C1QTNF3: variants seen among roughly 807,000 people sequenced by gnomAD.
C1QTNF3 encodes complement C1q tumor necrosis factor-related protein 3.
In C1QTNF3, 26 loss-of-function variants were observed where a neutral mutation model predicts 32.6. The ratio of observed to expected loss-of-function variants is 0.80; its 90% CI spans 0.58 to 1.11. C1QTNF3 has a LOEUF of 1.11. Ranked by LOEUF, C1QTNF3 falls within the 50% of genes least tolerant of loss-of-function variation. The pLI, the probability that C1QTNF3 is intolerant of heterozygous loss-of-function variation, is 0.00. For missense variants in C1QTNF3, 362 were observed against 398.2 expected, an observed-to-expected ratio of 0.91 and a Z score of 0.77; for synonymous variants, 155 against 146.0, an observed-to-expected ratio of 1.06 and a Z score of -0.44.
chr5:34,171,659 T>G, the C1QTNF3 span, among the ~76,000 whole-genome samples: 1 of 152,162 alleles, frequency 6.6e-6, no homozygotes. Flanking sequence ...TAAGGGACCA[T>G]GGGAAGGCCT....
At chr5:34,077,684 T>C in the C1QTNF3 span, among the ~76,000 whole-genome samples, 8 of 151,718 alleles carry the variant, frequency 5.3e-5, no homozygotes, top group South Asian at 1.7e-3. Context: ...CTCTGTAGTA[T>C]CTCTTCCATT....
intron 5 of C1QTNF3, 64 bp from the exon 6 acceptor site, chr5:34,020,806 G>T: frequency 6.6e-7 from 1 of 1,518,984 alleles, no homozygotes; most frequent in Non-Finnish European, 9.0e-7. Context: ...CTTCACCAAA[G>T]TCTGTGCTCC....
chr5:34,168,662 G>A, the C1QTNF3 span: 1 of 152,034 alleles, frequency 6.6e-6, no homozygotes, highest in African/African-American at 2.4e-5. Context: ...TGGGGATTTT[G>A]GACTATAGGT....
the C1QTNF3 span, among the ~76,000 whole-genome samples, chr5:34,174,917 T>A: frequency 1.3e-5 from 2 of 151,470 alleles, no homozygotes; most frequent in Non-Finnish European, 2.9e-5. Context: ...CCGGCTGATT[T>A]TTTTTGTATT....
the C1QTNF3 span, among the ~76,000 whole-genome samples, chr5:34,137,198 GGGCCCAAA>G: frequency 1.1e-3 from 165 of 150,434 alleles, no homozygotes; most frequent in African/African-American, 4.0e-3. Flanking sequence ...ATTACTTTCA[GGGCCCAAA>G]GGTCCAAGAC....
At chr5:34,154,808 A>T in the C1QTNF3 span, among the ~76,000 whole-genome samples, 6 of 152,296 alleles carry the variant, frequency 3.9e-5, no homozygotes, top group African/African-American at 1.4e-4. Context: ...TCTGGGCATC[A>T]GGTAGAGATA....
intron 4 of C1QTNF3, among the ~76,000 whole-genome samples, chr5:34,024,710 T>C (rs116803081): frequency 1.1e-3 from 164 of 152,328 alleles, no homozygotes; most frequent in Non-Finnish European, 2.1e-3. Context: ...GGGCTCCTAA[T>C]TGAAAGCAAT....
chr5:34,159,002 CAT>C, the C1QTNF3 span, among the ~76,000 whole-genome samples: 10 of 152,042 alleles, frequency 6.6e-5, no homozygotes, highest in African/African-American at 2.2e-4. Flanking sequence ...GTAACACATA[CAT>C]AGTGTATAAA....
chr5:34,113,054 A>T, the C1QTNF3 span, among the ~76,000 whole-genome samples: 1 of 149,364 alleles, frequency 6.7e-6, no homozygotes. Context: ...CTTCCCCTAG[A>T]CTTCTGTTAT....
the C1QTNF3 span, among the ~76,000 whole-genome samples, chr5:34,130,818 C>T: frequency 6.6e-6 from 1 of 152,250 alleles, no homozygotes; most frequent in Non-Finnish European, 1.5e-5. Context: ...CGGTGTGAGA[C>T]CAGGTCAGGG....
At chr5:34,050,792 T>C in the C1QTNF3 span, among the ~76,000 whole-genome samples, 1 of 152,168 alleles carries the variant, frequency 6.6e-6, no homozygotes, top group African/African-American at 2.4e-5. Flanking sequence ...CTTCCTAAGT[T>C]CCTATTAAAT....
chr5:34,184,779 A>G, the C1QTNF3 span, among the ~76,000 whole-genome samples: 1 of 152,388 alleles, frequency 6.6e-6, no homozygotes, highest in African/African-American at 2.4e-5. Flanking sequence ...TGGGCATTTA[A>G]TAACAAAAAA....
the C1QTNF3 span, among the ~76,000 whole-genome samples, chr5:34,131,562 G>A: frequency 6.6e-6 from 1 of 151,896 alleles, no homozygotes; most frequent in Admixed American, 6.6e-5. Context: ...ACTCATATGT[G>A]GAAACTAAAA....
At chr5:34,097,103 C>T in the C1QTNF3 span, among the ~76,000 whole-genome samples, 1 of 151,912 alleles carries the variant, frequency 6.6e-6, no homozygotes, top group Non-Finnish European at 1.5e-5. Flanking sequence ...GTGAGTCAAT[C>T]TCATCTCCCA....
upstream of C1QTNF3, among the ~76,000 whole-genome samples, chr5:34,045,685 G>A (rs1033554095): frequency 4.6e-5 from 7 of 152,134 alleles, no homozygotes; most frequent in African/African-American, 1.2e-4. Context: ...CTCCTGCCTT[G>A]CTATAGAGAA....
the C1QTNF3 span, among the ~76,000 whole-genome samples, chr5:34,134,934 C>G: frequency 6.6e-6 from 1 of 152,164 alleles, no homozygotes; most frequent in South Asian, 2.1e-4. Context: ...GCCTGATTGC[C>G]CTGGCCAGAA....
At chr5:34,056,454 G>GTATATATATATATATA in the C1QTNF3 span, among the ~76,000 whole-genome samples, 2 of 48,960 alleles carry the variant, frequency 4.1e-5, no homozygotes, top group African/African-American at 8.4e-5. Flanking sequence ...GTGTGTGTGT[G>GTATATATATATATATA]TATATATATA....
chr5:34,027,976 G>C (rs1754511619), intron 4 of C1QTNF3, among the ~76,000 whole-genome samples: 1 of 151,916 alleles, frequency 6.6e-6, no homozygotes, highest in African/African-American at 2.4e-5. Flanking sequence ...GCATAAACAA[G>C]CTCTTTTTTT....
At chr5:34,208,369 T>C in the C1QTNF3 span, among the ~76,000 whole-genome samples, 1 of 152,204 alleles carries the variant, frequency 6.6e-6, no homozygotes, top group African/African-American at 2.4e-5. Flanking sequence ...AAATTCATCC[T>C]GCAGTAGTGT....
Sources: gnomAD v4.1 joint callset for allele counts (sites outside exome capture counted in the v4.1 genomes callset) on GRCh38, gnomAD v4.1.1 for gene constraint, MANE v1.5 for transcripts, NCBI Gene and HGNC (gene_info 2026-07-23, HGNC 2026-07-21) for gene names.